Variants in TTC6 observed in about 807,000 individuals in gnomAD.
The protein encoded by TTC6 is tetratricopeptide repeat protein 6.
In TTC6, 172 loss-of-function variants were observed where a neutral mutation model predicts 210.4. That is an observed-to-expected ratio of 0.82 (90% confidence interval 0.72 to 0.93). TTC6 has a LOEUF of 0.93. Among genes scored for constraint, TTC6 ranks in the 40% least tolerant of loss-of-function variants. The pLI is 0.00. For missense variants in TTC6, 2,414 were observed against 2,318.1 expected (o/e 1.04, Z -0.85); for synonymous variants, 804 against 819.6 (o/e 0.98, Z 0.32).
intron 1 of TTC6, among the ~76,000 whole-genome samples, chr14:37,644,048 C>T (rs1008431288): frequency 3.9e-5 from 6 of 152,152 alleles, no homozygotes; most frequent in African/African-American, 1.4e-4. Flanking sequence ...TCTTTGAAAA[C>T]GTTAAATGGA....
At chr14:37,813,914 G>C (rs562263971) in intron 25 of TTC6, among the ~76,000 whole-genome samples, 1 of 152,280 alleles carries the variant, frequency 6.6e-6, no homozygotes, top group South Asian at 2.1e-4. Context: ...CAACCAGTAA[G>C]TACTGGGGCA....
Position 37,841,526 on chromosome 14 carries a change from A to G in TTC6, c.5380A>G (p.Ile1794Val), listed in dbSNP as rs768343557. The stretch of plus-strand genomic sequence containing the variant: ...CATGAATCGAGCTATTACAAATACA[A>G]TATTAAAGAAATATGAAGAAGCAAA... The change falls in exon 30 of 31, where the codon ATA becomes GTA. Residue 1794 changes from isoleucine (I) to valine (V), a missense_variant. Transcript: ENST00000553443. 1.0e-5 allele frequency: 16 copies of G among 1,602,896 alleles called. No homozygotes were observed. In the Admixed American group the frequency reaches 2.5e-4, roughly 25 times the overall value.
chr14:37,829,760 G>A (rs2096180288), intron 29 of TTC6, among the ~76,000 whole-genome samples: 1 of 152,032 alleles, frequency 6.6e-6, no homozygotes, highest in African/African-American at 2.4e-5. Context: ...GATATTGCAA[G>A]GCAAGTGCTG....
chr14:37,636,323 T>G (rs541937905), intron 1 of TTC6, among the ~76,000 whole-genome samples: 10 of 152,186 alleles, frequency 6.6e-5, no homozygotes, highest in Non-Finnish European at 1.5e-4. Context: ...AATACACATT[T>G]TTGTCAACTG....
intron 29 of TTC6, among the ~76,000 whole-genome samples, chr14:37,828,300 T>C (rs2139521378): frequency 6.6e-6 from 1 of 152,218 alleles, no homozygotes; most frequent in South Asian, 2.1e-4. Context: ...ATAGTCACTC[T>C]TTTTTCTGCT....
chr14:37,753,401 G>A (rs572648628), intron 14 of TTC6, among the ~76,000 whole-genome samples, 166 bp downstream of exon 16: 5 of 152,192 alleles, frequency 3.3e-5, no homozygotes, highest in South Asian at 4.1e-4. Flanking sequence ...TAATGGTGTC[G>A]GTAATTTAAT....
intron 5 of TTC6, among the ~76,000 whole-genome samples, chr14:37,702,479 A>G (rs1322236001): frequency 1.3e-5 from 2 of 152,154 alleles, no homozygotes; most frequent in Non-Finnish European, 2.9e-5. Context: ...CAAAGCACCA[A>G]TTTTTACCTC....
At chr14:37,639,108 C>T (rs915322475) in intron 1 of TTC6, among the ~76,000 whole-genome samples, 7 of 152,150 alleles carry the variant, frequency 4.6e-5, no homozygotes, top group African/African-American at 1.7e-4. Context: ...CTATGTATAA[C>T]TTATTATGTA....
intron 26 of TTC6, among the ~76,000 whole-genome samples, chr14:37,820,855 G>A (rs139682007): frequency 6.6e-6 from 1 of 151,730 alleles, no homozygotes; most frequent in Non-Finnish European, 1.5e-5. Flanking sequence ...AGGCAAAGTG[G>A]TCTTCTTCTT....
intron 1 of TTC6, among the ~76,000 whole-genome samples, chr14:37,656,989 C>T (rs1199215065): frequency 6.6e-6 from 1 of 152,010 alleles, no homozygotes; most frequent in Non-Finnish European, 1.5e-5. Flanking sequence ...GCGGGTGGAT[C>T]ACCTGAGGTC....
intron 30 of TTC6, 84 bp downstream of exon 32, chr14:37,841,754 CTATT>C (rs2139064295): frequency 8.5e-6 from 9 of 1,064,690 alleles, no homozygotes; most frequent in Non-Finnish European, 1.2e-5. Context: ...ATCATTAGGT[CTATT>C]TATTTAGATA....
intron 1 of TTC6, among the ~76,000 whole-genome samples, chr14:37,659,159 C>G (rs1053386822): frequency 6.6e-6 from 1 of 152,072 alleles, no homozygotes; most frequent in African/African-American, 2.4e-5. Flanking sequence ...ATACGTACCA[C>G]ATTTTCTTTA....
chr14:37,687,458 A>G (rs976842224), intron 3 of TTC6, among the ~76,000 whole-genome samples: 8 of 151,976 alleles, frequency 5.3e-5, no homozygotes, highest in African/African-American at 1.9e-4. Flanking sequence ...GCTCAGAGAT[A>G]GTGGACTAGG....
At chr14:37,833,882 G>T in intron 29 of TTC6, among the ~76,000 whole-genome samples, 1 of 152,146 alleles carries the variant, frequency 6.6e-6, no homozygotes, top group East Asian at 1.9e-4. Context: ...GTCTCATGGT[G>T]ATGTATTTCC....
intron 10 of TTC6, among the ~76,000 whole-genome samples, chr14:37,739,701 A>G (rs2095913017): frequency 6.6e-6 from 1 of 152,146 alleles, no homozygotes; most frequent in Admixed American, 6.6e-5. Flanking sequence ...AGGTAAGACT[A>G]AATCAATTTG....
intron 1 of TTC6, among the ~76,000 whole-genome samples, chr14:37,634,939 TC>T (rs1022239159): frequency 6.6e-6 from 1 of 152,170 alleles, no homozygotes; most frequent in Non-Finnish European, 1.5e-5. Flanking sequence ...ACTTTTTTTT[TC>T]CAGCAGTTCT....
At chr14:37,740,463 C>T (rs1445427614) in intron 10 of TTC6, among the ~76,000 whole-genome samples, 1 of 140,950 alleles carries the variant, frequency 7.1e-6, no homozygotes, top group Non-Finnish European at 1.6e-5. Context: ...AAAGTAAAGA[C>T]TTTCCTGATG....
At chr14:37,746,306 C>G (rs945298025) in intron 10 of TTC6, among the ~76,000 whole-genome samples, 2 of 152,150 alleles carry the variant, frequency 1.3e-5, no homozygotes, top group African/African-American at 2.4e-5. Context: ...ATTCTCTGGT[C>G]TCTCCAAGGG....
intron 4 of TTC6, among the ~76,000 whole-genome samples, 175 bp downstream of exon 6, chr14:37,697,010 A>C (rs954389790): frequency 2.0e-5 from 3 of 152,098 alleles, no homozygotes; most frequent in African/African-American, 7.2e-5. Flanking sequence ...TTAGTGCTAT[A>C]CTTTATGCTT....
Sources: gnomAD v4.1 joint callset for allele counts (sites outside exome capture counted in the v4.1 genomes callset) on GRCh38, gnomAD v4.1.1 for gene constraint, MANE v1.5 for transcripts, NCBI Gene and HGNC (gene_info 2026-07-23, HGNC 2026-07-21) for gene names.